MCPH1: variants seen among roughly 807,000 people sequenced by gnomAD.
MCPH1 encodes the protein microcephalin.
MCPH1 carries 104 observed loss-of-function variants against 84.5 expected under a neutral mutation model. The ratio of observed to expected loss-of-function variants is 1.23; its 90% confidence interval spans 1.05 to 1.45. The LOEUF (loss-of-function observed/expected upper bound fraction) is 1.45, where lower values mean the gene tolerates loss of function less well. Among genes scored for constraint, MCPH1 ranks in the 40% most tolerant of loss-of-function variants. The probability of loss-of-function intolerance (pLI) is 0.00; values close to 1 mark genes in which losing one functional copy is unlikely to be tolerated. For synonymous variants in MCPH1, 514 were observed against 366.8 expected (o/e 1.40, Z -4.58); for missense variants, 1,498 against 1,005.7 (o/e 1.49, Z -6.62).
chr8:6,542,903 G>A (rs2129574110), intron 12 of MCPH1, among the ~76,000 whole-genome samples: 1 of 152,312 alleles, frequency 6.6e-6, no homozygotes, highest in African/African-American at 2.4e-5. Flanking sequence ...TCTAAATTTA[G>A]ATAATTTTCT....
At position 6,630,734 on chromosome 8, in the gene MCPH1, C is replaced by T. The variant is rs573573099; in HGVS notation, c.2452+9043C>T. Among the ~76,000 whole-genome samples the T allele has an allele frequency of 6.9e-4, 102 of 148,494 alleles. 1 individual carries two copies. The highest frequency in any genetic ancestry group is 2.4e-3 in the African/African-American group (96 of 39,986). On this transcript the variant is annotated intron_variant, in intron 13 of 13. Transcript: ENST00000344683. ...AGGTGGAGGTTGCAGTGAGCCGAGA[C>T]TGTGCCATTGCACTCCAGCCTGGGC... is the stretch of plus-strand genomic sequence containing the variant.
intron 11 of MCPH1, among the ~76,000 whole-genome samples, chr8:6,492,939 A>G (rs1454183738): frequency 1.3e-5 from 2 of 152,110 alleles, no homozygotes; most frequent in African/African-American, 4.8e-5. Context: ...AGGCTATGGC[A>G]GAGTCAAGTG....
At chr8:6,474,010 T>C in intron 9 of MCPH1, 1 of 879,040 alleles carries the variant, frequency 1.1e-6, no homozygotes, top group East Asian at 2.4e-5. Flanking sequence ...GAATATTGTC[T>C]TTTAGTTTCT....
At chr8:6,513,142 T>C (rs560602201) in intron 12 of MCPH1, among the ~76,000 whole-genome samples, 1 of 152,326 alleles carries the variant, frequency 6.6e-6, no homozygotes, top group East Asian at 1.9e-4. Context: ...GCTTTGAAGA[T>C]ACACAGTAAA....
chr8:6,432,733 T>C (rs1201119596), intron 4 of MCPH1, among the ~76,000 whole-genome samples: 1 of 152,254 alleles, frequency 6.6e-6, no homozygotes, highest in Non-Finnish European at 1.5e-5. Context: ...TTACATTTCA[T>C]CTCAGACAAG....
In MCPH1 at chr8:6,418,522, C is replaced by T. The variant is rs1562712; in HGVS notation, c.233+3639C>T. ...TATTTTTGAAGCATCTGATGCCAGT[C>T]TAATTCTTCTTCCCTTCAACATTAT... On this transcript the variant is annotated intron_variant, in intron 3 of 13. Coordinates refer to ENST00000344683, the MANE Select transcript of MCPH1 (RefSeq NM_024596.5). Among the ~76,000 whole-genome samples, 5 of 152,220 alleles carry T rather than the reference C, an allele frequency of 3.3e-5. No homozygotes were observed. In the East Asian group the frequency reaches 9.6e-4, roughly 29 times the overall value.
At chr8:6,608,144 G>A (rs1481858702) in intron 12 of MCPH1, among the ~76,000 whole-genome samples, 1 of 152,194 alleles carries the variant, frequency 6.6e-6, no homozygotes, top group Non-Finnish European at 1.5e-5. Context: ...GGCAGACAGA[G>A]CTGACTCACG....
intron 12 of MCPH1, among the ~76,000 whole-genome samples, chr8:6,613,856 C>T (rs1471599029): frequency 1.3e-5 from 2 of 152,068 alleles, no homozygotes; most frequent in Non-Finnish European, 1.5e-5. Flanking sequence ...TGCTTTTGAT[C>T]GCCAAGGGAG....
intron 9 of MCPH1, among the ~76,000 whole-genome samples, chr8:6,476,770 A>G (rs531149666): frequency 5.9e-5 from 9 of 152,232 alleles, no homozygotes; most frequent in East Asian, 3.8e-4. Context: ...TATTGGTTAT[A>G]CTACACAGTT....
intron 12 of MCPH1, chr8:6,562,860 G>C: frequency 1.9e-6 from 3 of 1,613,164 alleles, no homozygotes; most frequent in Non-Finnish European, 2.5e-6. Context: ...TGCTGTCCAT[G>C]CTCTTCCGAA....
At chr8:6,626,197 C>T (rs534455352) in intron 13 of MCPH1, 1 of 985,244 alleles carries the variant, frequency 1.0e-6, no homozygotes, top group African/African-American at 1.7e-5. Context: ...CCCCAGCTGC[C>T]CCACCTTGCT....
chr8:6,516,754 A>G (rs1427421397), intron 12 of MCPH1, among the ~76,000 whole-genome samples: 1 of 152,196 alleles, frequency 6.6e-6, no homozygotes, highest in African/African-American at 2.4e-5. Context: ...TGGTGAGCCT[A>G]TCCTTGTTCC....
intron 11 of MCPH1, among the ~76,000 whole-genome samples, chr8:6,484,584 G>T (rs1209801599): frequency 6.6e-6 from 1 of 152,214 alleles, no homozygotes; most frequent in African/African-American, 2.4e-5. Context: ...ATTTGTAGCA[G>T]CCTTACTTAT....
chr8:6,521,166 A>C, intron 12 of MCPH1: 1 of 1,604,738 alleles, frequency 6.2e-7, no homozygotes, highest in Non-Finnish European at 8.5e-7. Flanking sequence ...AAAGCATGAT[A>C]TGTAAACTTA....
At chr8:6,589,152 C>T (rs1828242050) in intron 12 of MCPH1, among the ~76,000 whole-genome samples, 1 of 152,150 alleles carries the variant, frequency 6.6e-6, no homozygotes, top group African/African-American at 2.4e-5. Context: ...CAGTTTTTTT[C>T]TGTGGTGATA....
intron 11 of MCPH1, among the ~76,000 whole-genome samples, chr8:6,482,536 A>G (rs1008233717): frequency 4.6e-4 from 70 of 152,160 alleles, no homozygotes; most frequent in African/African-American, 1.5e-3. Context: ...CCCTTCCCTC[A>G]GGTTTTGGAG....
At position 6,447,522 on chromosome 8, in the gene MCPH1, G is replaced by A. The variant is rs1036836710; in HGVS notation, c.1825+1975G>A. The A allele has an allele frequency of 7.4e-6, 5 of 677,796 alleles. No individual in the cohort carries two copies. In the South Asian group the frequency reaches 2.6e-4, roughly 35 times the overall value. The allele number at this position is 677,796 out of a possible 1,614,324, so 42.0% of individuals were successfully genotyped here. On this transcript the variant is annotated intron_variant, in intron 8 of 13. Coordinates refer to ENST00000344683, the MANE Select transcript of MCPH1 (RefSeq NM_024596.5). ...TACGCTGATAGAACGGGAACTGAGC[G>A]AGAAACAATTTTGGTTTTGTTTTGT... is the stretch of plus-strand genomic sequence containing the variant.
At chr8:6,458,272 A>G (rs544109417) in intron 9 of MCPH1, among the ~76,000 whole-genome samples, 9 of 152,036 alleles carry the variant, frequency 5.9e-5, no homozygotes, top group Admixed American at 2.0e-4. Context: ...GGAGATCAAG[A>G]CCATCCTGGC....
At chr8:6,475,334 T>G (rs1192094713) in intron 9 of MCPH1, among the ~76,000 whole-genome samples, 1 of 152,238 alleles carries the variant, frequency 6.6e-6, no homozygotes, top group African/African-American at 2.4e-5. Context: ...TGCTTTGTTC[T>G]CTAAACCAGT....
Sources: allele counts gnomAD v4.1 joint callset (sites outside exome capture counted in the v4.1 genomes callset), GRCh38; gene constraint gnomAD v4.1.1; transcripts MANE v1.5; gene names NCBI Gene and HGNC (gene_info 2026-07-23, HGNC 2026-07-21).